The following POU6F2 variants were observed in gnomAD, a reference collection of about 807,000 sequenced individuals.
The protein encoded by POU6F2 is POU domain, class 6, transcription factor 2.
Under a neutral mutation model 71.3 loss-of-function variants are expected in POU6F2, and 31 were observed. That is an observed-to-expected ratio of 0.43 (90% CI 0.33 to 0.59). POU6F2 has a LOEUF of 0.59. Ranked by LOEUF, POU6F2 falls within the 20% of genes least tolerant of loss-of-function variation. The pLI is 0.04. For synonymous variants in POU6F2, 347 were observed against 355.7 expected (o/e 0.98, Z 0.27); for missense variants, 783 against 856.8 (o/e 0.91, Z 1.07).
At chr7:39,411,861 G>A (rs1787556887) in intron 6 of POU6F2, among the ~76,000 whole-genome samples, 1 of 152,196 alleles carries the variant, frequency 6.6e-6, no homozygotes, top group African/African-American at 2.4e-5. Context: ...AGGGGTGGAT[G>A]GAGAGGCAGG....
At chr7:39,257,685 A>G (rs1298467458) in intron 4 of POU6F2, among the ~76,000 whole-genome samples, 1 of 152,184 alleles carries the variant, frequency 6.6e-6, no homozygotes, top group Non-Finnish European at 1.5e-5. Context: ...GCTTTCAACT[A>G]CAACTCCAAG....
At chr7:39,240,173 C>T (rs1446665666) in intron 4 of POU6F2, among the ~76,000 whole-genome samples, 1 of 152,124 alleles carries the variant, frequency 6.6e-6, no homozygotes, top group Non-Finnish European at 1.5e-5. Context: ...CTGTCTCTGA[C>T]ATCTTTGTTT....
At chr7:39,087,894 T>C (rs907877869) in intron 2 of POU6F2, among the ~76,000 whole-genome samples, 6 of 152,168 alleles carry the variant, frequency 3.9e-5, no homozygotes, top group African/African-American at 1.4e-4. Flanking sequence ...TACGTCTTAC[T>C]GATTTGCATG....
At chr7:39,369,348 C>CT (rs112190402) in intron 5 of POU6F2, among the ~76,000 whole-genome samples, 6,510 of 149,306 alleles carry the variant, frequency 0.044, 204 homozygotes, top group African/African-American at 0.074. Context: ...TGATTGTTAG[C>CT]TTTTTTTTTT....
chr7:39,025,134 C>G (rs1439148971), intron 1 of POU6F2, among the ~76,000 whole-genome samples: 2 of 152,118 alleles, frequency 1.3e-5, no homozygotes, highest in Non-Finnish European at 2.9e-5. Flanking sequence ...CCATCTGGTC[C>G]TGGACTGTTT....
rs1003771403 is a variant in POU6F2 at position 39,433,327 on chromosome 7, C to T, written c.1320+44C>T. On this transcript the variant is annotated intron_variant, in intron 7 of 9. Transcript: ENST00000518318. ...GGCAGCCATGGCACAGGACACTGTCCTTACCCAGCTTCTCCTCTTTGGTCT... is the reference window on the plus strand; with the variant it reads ...GGCAGCCATGGCACAGGACACTGTCTTTACCCAGCTTCTCCTCTTTGGTCT... The T allele has an allele frequency of 2.5e-6, 4 of 1,598,200 alleles. No homozygotes were observed. In the African/African-American group the frequency reaches 5.4e-5, roughly 21 times the overall value.
chr7:38,980,228 G>T (rs1211154823), intron 1 of POU6F2, among the ~76,000 whole-genome samples: 3 of 152,124 alleles, frequency 2.0e-5, no homozygotes, highest in African/African-American at 7.2e-5. Context: ...AAAATGCCAA[G>T]TCAGTAAATT....
Position 39,464,992 on chromosome 7 carries a change from T to C in POU6F2, c.*306T>C, listed in dbSNP as rs1789035921. The C allele has an allele frequency of 6.4e-6, 2 of 313,118 alleles. No homozygotes were observed. Among genetic ancestry groups the C allele is most frequent in the African/African-American group, 4.3e-5 (2 of 46,974 alleles). The allele number at this position is 313,118 out of a possible 1,614,324, so 19.4% of individuals were successfully genotyped here. ...CCTGTCTCCCCCAAAGCCAGTTTTT[T>C]AATGGACTTAAAGCAAACCAAATAA... On this transcript the variant is annotated 3_prime_UTR_variant, in exon 10 of 10. Transcript: ENST00000518318. The surrounding 1 kb of genome is among the most constrained non-coding windows in gnomAD (Gnocchi z 4.1).
At chr7:39,015,524 CTA>C (rs903570406) in intron 1 of POU6F2, among the ~76,000 whole-genome samples, 2 of 62,026 alleles carry the variant, frequency 3.2e-5, no homozygotes, top group Non-Finnish European at 6.4e-5. Context: ...TATAATATAT[CTA>C]TGTTTTATAT....
intron 2 of POU6F2, among the ~76,000 whole-genome samples, chr7:39,101,773 T>A (rs1271633080): frequency 2.0e-5 from 3 of 152,182 alleles, no homozygotes; most frequent in Non-Finnish European, 4.4e-5. Flanking sequence ...ATGTGTTCAT[T>A]TGCTTGATTT....
At chr7:39,031,921 G>T (rs1789951539) in intron 1 of POU6F2, among the ~76,000 whole-genome samples, 1 of 151,964 alleles carries the variant, frequency 6.6e-6, no homozygotes, top group Non-Finnish European at 1.5e-5. Flanking sequence ...GTAAGACTCA[G>T]AACTCCATGA....
At chr7:39,147,228 G>T (rs1285122267) in intron 2 of POU6F2, among the ~76,000 whole-genome samples, 1 of 152,068 alleles carries the variant, frequency 6.6e-6, no homozygotes, top group Non-Finnish European at 1.5e-5. Flanking sequence ...AGTAATTGGG[G>T]TGTTTGCCAC....
chr7:39,180,749 C>G (rs1793420101), intron 2 of POU6F2, among the ~76,000 whole-genome samples: 1 of 152,064 alleles, frequency 6.6e-6, no homozygotes, highest in South Asian at 2.1e-4. Context: ...AACAAGGGAC[C>G]CAGCACATTT....
At chr7:39,283,413 A>G (rs1416769513) in intron 4 of POU6F2, among the ~76,000 whole-genome samples, 1 of 152,164 alleles carries the variant, frequency 6.6e-6, no homozygotes, top group East Asian at 1.9e-4. Context: ...TACTCATTAA[A>G]CAAAAACTCC....
chr7:39,267,918 ATCTGTCAG>A (rs2128756012), intron 4 of POU6F2, among the ~76,000 whole-genome samples: 1 of 152,312 alleles, frequency 6.6e-6, no homozygotes, highest in African/African-American at 2.4e-5. Flanking sequence ...CCCTTTGTCT[ATCTGTCAG>A]TCTTTTCCTA....
At chr7:39,209,686 G>A (rs1179466223) in intron 4 of POU6F2, among the ~76,000 whole-genome samples, 1 of 152,232 alleles carries the variant, frequency 6.6e-6, no homozygotes, top group African/African-American at 2.4e-5. Flanking sequence ...GGCAAAGCCA[G>A]TGGTCACCTT....
chr7:39,295,778 A>G (rs1010054338), intron 4 of POU6F2, among the ~76,000 whole-genome samples: 1 of 152,240 alleles, frequency 6.6e-6, no homozygotes, highest in African/African-American at 2.4e-5. Context: ...TCCACTAGAA[A>G]TTTCTTCCAA....
chr7:39,344,478 T>C (rs759644115), intron 5 of POU6F2, among the ~76,000 whole-genome samples: 5 of 152,158 alleles, frequency 3.3e-5, no homozygotes, highest in Non-Finnish European at 5.9e-5. Context: ...AGTACTAAGT[T>C]CCAAAGTGCA....
chr7:39,250,526 C>A (rs994173428), intron 4 of POU6F2, among the ~76,000 whole-genome samples: 7 of 152,134 alleles, frequency 4.6e-5, no homozygotes, highest in Non-Finnish European at 8.8e-5. Context: ...TGTTTGAGAT[C>A]TCCTTATTCA....
Sources: allele counts gnomAD v4.1 joint callset (sites outside exome capture counted in the v4.1 genomes callset), GRCh38; gene constraint gnomAD v4.1.1; non-coding constraint Gnocchi (gnomAD v3.1); transcripts MANE v1.5; gene names NCBI Gene and HGNC (gene_info 2026-07-23, HGNC 2026-07-21).